The following ADGRV1 variants were observed in gnomAD, a reference collection of about 807,000 sequenced individuals.
ADGRV1 encodes the protein G-protein coupled receptor 98.
A neutral mutation model predicts 596.2 loss-of-function variants in ADGRV1; 359 were observed. The ratio of observed to expected loss-of-function variants is 0.60; its 90% CI spans 0.55 to 0.66. The LOEUF is 0.66. Ranked by LOEUF, ADGRV1 falls within the 30% of genes least tolerant of loss-of-function variation. ADGRV1 has a pLI of 0.00. For missense variants in ADGRV1, 7,274 were observed against 7,575.6 expected (o/e 0.96, Z 1.48); for synonymous variants, 2,681 against 2,679.2 (o/e 1.00, Z -0.02).
rs1225911339 is a variant in ADGRV1 at position 90,683,831 on chromosome 5, G to A, written c.5910G>A (p.Leu1970=). 6.2e-7 allele frequency: 1 copy of A among 1,613,696 alleles called. No individual in the cohort carries two copies. Among genetic ancestry groups the A allele is most frequent in the South Asian group, 1.1e-5 (1 of 91,036 alleles). The part of the protein sequence containing the change: ...GAHINATLTV[L]ASDDPYGIFI... ...ATATTAATGCCACGTTAACAGTTTTGGCTAGTGATGATCCATATGGGATAT... is the reference window on the plus strand; with the variant it reads ...ATATTAATGCCACGTTAACAGTTTTAGCTAGTGATGATCCATATGGGATAT... The change falls in exon 28 of 90, where the codon TTG becomes TTA. Residue 1970 remains leucine, a synonymous_variant. Coordinates refer to ENST00000405460, the MANE Select transcript of ADGRV1 (RefSeq NM_032119.4).
intron 8 of ADGRV1, 79 bp downstream of exon 8, chr5:90,628,911 A>G: frequency 7.6e-7 from 1 of 1,318,884 alleles, no homozygotes; most frequent in Non-Finnish European, 1.0e-6. Context: ...ATACACATCA[A>G]CTTTATGTTT....
At chr5:90,817,298 A>G (rs2150261373) in intron 75 of ADGRV1, among the ~76,000 whole-genome samples, 1 of 151,396 alleles carries the variant, frequency 6.6e-6, no homozygotes, top group African/African-American at 2.5e-5. Context: ...AGTTCATTGT[A>G]GATTCTGGAT....
chr5:90,821,360 A>G (rs1763481890), intron 75 of ADGRV1, among the ~76,000 whole-genome samples: 1 of 150,968 alleles, frequency 6.6e-6, no homozygotes. Flanking sequence ...CTTTGGTTTG[A>G]ATGTCCTCCC....
intron 1 of ADGRV1, among the ~76,000 whole-genome samples, chr5:90,610,628 A>G (rs967497823): frequency 2.0e-5 from 3 of 151,998 alleles, no homozygotes; most frequent in African/African-American, 4.8e-5. Context: ...TCCTTAGAGA[A>G]GAATAATACT....
intron 73 of ADGRV1, among the ~76,000 whole-genome samples, chr5:90,808,685 A>G (rs1285292940): frequency 6.6e-6 from 1 of 152,210 alleles, no homozygotes; most frequent in Non-Finnish European, 1.5e-5. Flanking sequence ...ACCTGAGGTT[A>G]GGAACTCAAG....
chr5:90,689,400 A>G (rs567505044), intron 29 of ADGRV1, among the ~76,000 whole-genome samples: 13 of 133,896 alleles, frequency 9.7e-5, no homozygotes, highest in South Asian at 2.3e-4. Context: ...CTTTCAATCT[A>G]TGCAAGAAAG....
At chr5:90,886,055 G>C (rs1221329505) in intron 83 of ADGRV1, among the ~76,000 whole-genome samples, 1 of 152,108 alleles carries the variant, frequency 6.6e-6, no homozygotes, top group Non-Finnish European at 1.5e-5. Context: ...GTTGTACTTA[G>C]AAGGCACCAA....
intron 21 of ADGRV1, among the ~76,000 whole-genome samples, chr5:90,669,229 A>T (rs1027729645): frequency 9.9e-5 from 15 of 152,208 alleles, no homozygotes; most frequent in African/African-American, 3.6e-4. Flanking sequence ...ATCCTGATGT[A>T]GATCCCTAAG....
At chr5:90,884,164 C>A (rs1770058531) in intron 83 of ADGRV1, among the ~76,000 whole-genome samples, 1 of 152,124 alleles carries the variant, frequency 6.6e-6, no homozygotes, top group Non-Finnish European at 1.5e-5. Flanking sequence ...TGTTGTGGGG[C>A]ACTGTCCTGT....
At chr5:90,577,321 A>G (rs1312775609) in intron 1 of ADGRV1, among the ~76,000 whole-genome samples, 1 of 152,190 alleles carries the variant, frequency 6.6e-6, no homozygotes, top group Admixed American at 6.5e-5. Flanking sequence ...TCCATTTTTC[A>G]GCTTTCTACA....
intron 34 of ADGRV1, among the ~76,000 whole-genome samples, chr5:90,700,867 G>A (rs67956713): frequency 0.064 from 9,681 of 151,998 alleles, 415 homozygotes; most frequent in Non-Finnish European, 0.088. Context: ...ATGTATACAC[G>A]AATCTATTAA....
chr5:90,778,721 CATT>C lies in ADGRV1; in HGVS notation c.12849+116_12849+118del, dbSNP rs1758524511. On this transcript the variant is annotated intron_variant, in intron 63 of 89. Coordinates refer to ENST00000405460, the MANE Select transcript of ADGRV1 (RefSeq NM_032119.4). ...AAACTGATTAATTTGCTCCAAACAT[CATT>C]ATTTTAACATATAATCTATATAATT... 3.8e-6 allele frequency: 4 copies of C among 1,057,098 alleles called. No homozygotes were observed. In the South Asian group the frequency reaches 8.8e-5, roughly 23 times the overall value. The allele number at this position is 1,057,098 out of a possible 1,614,324, so 65.5% of individuals were successfully genotyped here.
intron 28 of ADGRV1, among the ~76,000 whole-genome samples, chr5:90,685,363 G>T (rs1170832376): frequency 6.6e-6 from 1 of 151,970 alleles, no homozygotes; most frequent in Non-Finnish European, 1.5e-5. Context: ...CAGGCAGATT[G>T]CCTGAGCTCA....
intron 54 of ADGRV1, 96 bp from the exon 55 acceptor site, chr5:90,754,887 A>G (rs955267762): frequency 2.3e-5 from 19 of 813,692 alleles, no homozygotes; most frequent in South Asian, 1.7e-5. Flanking sequence ...TTAACTGTCT[A>G]CAAGGGATAG....
At chr5:90,622,310 T>TA (rs1251269750) in intron 4 of ADGRV1, among the ~76,000 whole-genome samples, 3 of 152,190 alleles carry the variant, frequency 2.0e-5, no homozygotes, top group African/African-American at 7.2e-5. Context: ...ACCTTTCAAC[T>TA]AAAAAACCTT....
At position 90,700,821 on chromosome 5, in the gene ADGRV1, T is replaced by C. The variant is rs536305579; in HGVS notation, c.8156-2844T>C. Among the ~76,000 whole-genome samples, 32 of 152,296 alleles carry C rather than the reference T, an allele frequency of 2.1e-4. No homozygotes were observed. In the East Asian group the frequency reaches 6.0e-3, roughly 28 times the overall value. ...AATTGTTTTATCCCGTTTTCTTTTTTGTTATAGAGGGCAATTTGGATAGTA... is the reference window on the plus strand; with the variant it reads ...AATTGTTTTATCCCGTTTTCTTTTTCGTTATAGAGGGCAATTTGGATAGTA... On this transcript the variant is annotated intron_variant, in intron 34 of 89. Coordinates refer to ENST00000405460, the MANE Select transcript of ADGRV1 (RefSeq NM_032119.4).
At chr5:90,824,414 T>C (rs957687249) in intron 76 of ADGRV1, among the ~76,000 whole-genome samples, 1 of 152,248 alleles carries the variant, frequency 6.6e-6, no homozygotes, top group Non-Finnish European at 1.5e-5. Flanking sequence ...GTACTACAGC[T>C]ATATAGGAAA....
intron 9 of ADGRV1, among the ~76,000 whole-genome samples, chr5:90,634,791 A>G (rs1350504056): frequency 6.7e-6 from 1 of 148,248 alleles, no homozygotes; most frequent in African/African-American, 2.5e-5. Flanking sequence ...TGTGACATTT[A>G]TATGATGTCT....
Position 91,150,011 on chromosome 5 carries a change from T to TTTCTTTTC in ADGRV1, c.18433-17_18433-16insCTTTTCTT. On this transcript the variant is annotated intron_variant, in intron 87 of 89. Coordinates refer to ENST00000405460, the MANE Select transcript of ADGRV1 (RefSeq NM_032119.4). The stretch of plus-strand genomic sequence containing the variant: ...TCTTTTTCTTTTTCTTTTCTTTTCT[T>TTTCTTTTC]TTTTTTTTTTTTTTGCAGGGACTTT... 12 of 907,306 alleles carry TTTCTTTTC rather than the reference T, an allele frequency of 1.3e-5. No individual in the cohort carries two copies. The highest frequency in any genetic ancestry group is 3.1e-4 in the Middle Eastern group (1 of 3,252). 56.2% of individuals were successfully genotyped at this position (907,306 alleles called of 1,614,324 possible). A position where few individuals can be genotyped will look rare whatever the true frequency, so the allele number is the denominator to read the frequency against.
Sources: allele counts gnomAD v4.1 joint callset (sites outside exome capture counted in the v4.1 genomes callset), GRCh38; gene constraint gnomAD v4.1.1; transcripts MANE v1.5; gene names NCBI Gene and HGNC (gene_info 2026-07-23, HGNC 2026-07-21).